The following PRKN variants were observed in gnomAD, a reference collection of about 807,000 sequenced individuals.
PRKN encodes the protein E3 ubiquitin-protein ligase parkin.
Under a neutral mutation model 59.5 loss-of-function variants are expected in PRKN, and 56 were observed. That is an observed-to-expected ratio of 0.94 (90% CI 0.76 to 1.18). The LOEUF is 1.18. PRKN is among the 50% of genes most tolerant of loss of function. The probability of loss-of-function intolerance (pLI) is 0.00; values close to 1 mark genes in which losing one functional copy is unlikely to be tolerated. For missense variants in PRKN, 657 were observed against 596.4 expected, an observed-to-expected ratio of 1.10 and a Z score of -1.06; for synonymous variants, 250 against 222.1, an observed-to-expected ratio of 1.13 and a Z score of -1.12.
intron 4 of PRKN, among the ~76,000 whole-genome samples, chr6:162,156,659 AG>A (rs1426480885): frequency 6.6e-6 from 1 of 152,164 alleles, no homozygotes; most frequent in Non-Finnish European, 1.5e-5. Flanking sequence ...ACCCAGATTG[AG>A]GGTGAGTCTA....
At chr6:162,379,145 A>C (rs566587210) in intron 2 of PRKN, among the ~76,000 whole-genome samples, 1 of 152,254 alleles carries the variant, frequency 6.6e-6, no homozygotes, top group Admixed American at 6.5e-5. Flanking sequence ...AACATCTCTA[A>C]ACTATATTTG....
chr6:161,803,123 T>C (rs963969145), intron 6 of PRKN, among the ~76,000 whole-genome samples: 2 of 152,198 alleles, frequency 1.3e-5, no homozygotes, highest in Admixed American at 6.5e-5. Flanking sequence ...CATTAGGGTA[T>C]GTATGCCTTA....
intron 9 of PRKN, among the ~76,000 whole-genome samples, chr6:161,542,734 C>T (rs991074477): frequency 5.3e-5 from 8 of 152,130 alleles, no homozygotes; most frequent in African/African-American, 1.9e-4. Flanking sequence ...TGATTCCAGT[C>T]TCTATGTGCT....
At chr6:162,446,934 T>C (rs904373306) in intron 1 of PRKN, among the ~76,000 whole-genome samples, 1 of 152,180 alleles carries the variant, frequency 6.6e-6, no homozygotes, top group African/African-American at 2.4e-5. Context: ...AGAACGTCTT[T>C]AGAGCTACAT....
At chr6:162,290,350 CTT>C (rs1156921110) in intron 2 of PRKN, among the ~76,000 whole-genome samples, 5 of 152,176 alleles carry the variant, frequency 3.3e-5, no homozygotes, top group Non-Finnish European at 7.3e-5. Flanking sequence ...TTTTTCCACT[CTT>C]GAGTGGCCTC....
At chr6:162,704,867 A>G (rs1264177590) in intron 1 of PRKN, among the ~76,000 whole-genome samples, 1 of 152,244 alleles carries the variant, frequency 6.6e-6, no homozygotes, top group Non-Finnish European at 1.5e-5. Context: ...TATTATAAAA[A>G]TCTACAAGAA....
intron 7 of PRKN, among the ~76,000 whole-genome samples, chr6:161,696,208 A>AT (rs1483902747): frequency 3.9e-5 from 6 of 152,136 alleles, no homozygotes; most frequent in South Asian, 4.1e-4. Flanking sequence ...TTGGAAAACC[A>AT]TTTTTTTCCC....
At chr6:161,745,210 A>T (rs930207387) in intron 7 of PRKN, among the ~76,000 whole-genome samples, 1 of 152,198 alleles carries the variant, frequency 6.6e-6, no homozygotes, top group Non-Finnish European at 1.5e-5. Flanking sequence ...GGAGGCATGA[A>T]ATAATAACAT....
intron 7 of PRKN, among the ~76,000 whole-genome samples, chr6:161,752,207 T>C (rs533837144): frequency 1.3e-5 from 2 of 151,836 alleles, no homozygotes; most frequent in African/African-American, 2.4e-5. Flanking sequence ...CTGTCTCTAC[T>C]AAAAATACAA....
At chr6:162,498,393 CTTTTTTT>C (rs60024002) in intron 1 of PRKN, among the ~76,000 whole-genome samples, 8 of 21,564 alleles carry the variant, frequency 3.7e-4, no homozygotes, top group East Asian at 3.3e-3. Context: ...TCTTTCTTTC[CTTTTTTT>C]TTTTTTTTTT....
intron 4 of PRKN, among the ~76,000 whole-genome samples, chr6:162,171,002 A>G (rs1386965254): frequency 6.6e-6 from 1 of 152,168 alleles, no homozygotes; most frequent in Admixed American, 6.6e-5. Flanking sequence ...AACATACACT[A>G]TGAGTGATTC....
chr6:161,601,329 T>C (rs1782096842), intron 7 of PRKN, among the ~76,000 whole-genome samples: 1 of 152,126 alleles, frequency 6.6e-6, no homozygotes, highest in South Asian at 2.1e-4. Context: ...TGCTCCTAGT[T>C]GTGTCCTCAC....
At position 162,011,463 on chromosome 6, in the gene PRKN, A is replaced by ATAT. The variant is rs1459351027; in HGVS notation, c.619-38047_619-38046insATA. Reference sequence around the variant, plus strand: ...TATATTTATAATATATAATATATATATTATAATATATAATATATTATAATA... The same window carrying ATAT: ...TATATTTATAATATATAATATATATATATTTATAATATATAATATATTATAATA... On this transcript the variant is annotated intron_variant, in intron 5 of 11. Transcript: ENST00000366898. Among the ~76,000 whole-genome samples, 2 of 12,468 alleles carry ATAT rather than the reference A, an allele frequency of 1.6e-4. 1 individual carries two copies. Among genetic ancestry groups the ATAT allele is most frequent in the Admixed American group, 4.0e-3 (2 of 500 alleles). 8.2% of individuals were successfully genotyped at this position (12,468 alleles called of 152,430 possible). A position where few individuals can be genotyped will look rare whatever the true frequency, so the allele number is the denominator to read the frequency against.
At chr6:161,819,933 T>C (rs1055638516) in intron 6 of PRKN, among the ~76,000 whole-genome samples, 1 of 152,136 alleles carries the variant, frequency 6.6e-6, no homozygotes, top group Non-Finnish European at 1.5e-5. Context: ...AGCATAAAAT[T>C]AACTGGCCAA....
intron 4 of PRKN, among the ~76,000 whole-genome samples, chr6:162,199,123 C>G (rs564656874): frequency 6.6e-6 from 1 of 152,258 alleles, no homozygotes; most frequent in East Asian, 1.9e-4. Flanking sequence ...CTCACCGCCC[C>G]CTACTGCCCA....
At chr6:162,251,452 C>G (rs993904534) in intron 3 of PRKN, among the ~76,000 whole-genome samples, 2 of 152,274 alleles carry the variant, frequency 1.3e-5, no homozygotes, top group South Asian at 2.1e-4. Context: ...CCGGGGCCCA[C>G]TAGGCGGGAG....
chr6:161,519,098 T>C (rs1778723583), intron 9 of PRKN, among the ~76,000 whole-genome samples: 2 of 152,112 alleles, frequency 1.3e-5, no homozygotes, highest in East Asian at 3.9e-4. Context: ...TTTGGGAGTA[T>C]AGGCTAATTG....
At chr6:161,783,847 T>C (rs373991108) in intron 7 of PRKN, among the ~76,000 whole-genome samples, 13 of 152,236 alleles carry the variant, frequency 8.5e-5, no homozygotes, top group African/African-American at 3.1e-4. Context: ...ATCTTAGTTT[T>C]AAAAATCATT....
intron 3 of PRKN, among the ~76,000 whole-genome samples, chr6:162,253,328 A>G (rs1383729687): frequency 7.9e-6 from 1 of 126,234 alleles, no homozygotes; most frequent in African/African-American, 3.4e-5. Flanking sequence ...CTGTTTCTCC[A>G]TAATAAGCAG....
Sources: gnomAD v4.1 joint callset for allele counts (sites outside exome capture counted in the v4.1 genomes callset) on GRCh38, gnomAD v4.1.1 for gene constraint, MANE v1.5 for transcripts, NCBI Gene and HGNC (gene_info 2026-07-23, HGNC 2026-07-21) for gene names.